SAMMSON: variants seen among roughly 807,000 people sequenced by gnomAD.
SAMMSON encodes the protein survival associated mitochondrial melanoma specific oncogenic non-coding RNA.
intron 9 of SAMMSON, among the ~76,000 whole-genome samples, chr3:70,365,036 A>T (rs1412477892): frequency 2.6e-5 from 4 of 151,580 alleles, no homozygotes; most frequent in Admixed American, 2.0e-4. Context: ...TAAAATGTAC[A>T]TTTATTAAGG....
At chr3:70,323,786 T>G (rs1321191844) in intron 7 of SAMMSON, among the ~76,000 whole-genome samples, 1 of 152,154 alleles carries the variant, frequency 6.6e-6, no homozygotes, top group East Asian at 1.9e-4. Flanking sequence ...CCACAGTTCA[T>G]CTGCAACTGC....
At position 70,340,057 on chromosome 3, in the gene SAMMSON, T is replaced by C. The variant is rs537916725; in HGVS notation, n.740-14118T>C. The stretch of plus-strand genomic sequence containing the variant: ...AAGAAAATGTGGCACATATACACCA[T>C]GGAATACTATGCAGCCATAAAAAAT... On this transcript the variant is annotated intron_variant and non_coding_transcript_variant, in intron 7 of 9. Transcript: ENST00000642114. Among the ~76,000 whole-genome samples the C allele has an allele frequency of 3.7e-4, 57 of 152,164 alleles. No individual in the cohort carries two copies. In the East Asian group the frequency reaches 0.011, roughly 28 times the overall value.
At chr3:70,008,083 G>A (rs1296699342) in intron 1 of SAMMSON, among the ~76,000 whole-genome samples, 1 of 152,128 alleles carries the variant, frequency 6.6e-6, no homozygotes, top group Non-Finnish European at 1.5e-5. Context: ...GTAGCATGAT[G>A]CCTCCAGCTT....
At chr3:70,247,585 A>G (rs945070173) in intron 4 of SAMMSON, among the ~76,000 whole-genome samples, 1 of 151,922 alleles carries the variant, frequency 6.6e-6, no homozygotes, top group South Asian at 2.1e-4. Flanking sequence ...ACTCAATTCT[A>G]TTAGAATTTT....
chr3:70,427,050 T>C (rs533651174), intron 2 of SAMMSON, among the ~76,000 whole-genome samples: 36 of 152,358 alleles, frequency 2.4e-4, no homozygotes, highest in African/African-American at 8.7e-4. Context: ...CTTCAGAAAG[T>C]CACTCCATCA....
At chr3:70,153,483 C>T (rs1341613550) in intron 4 of SAMMSON, among the ~76,000 whole-genome samples, 2 of 151,378 alleles carry the variant, frequency 1.3e-5, no homozygotes, top group African/African-American at 4.9e-5. Context: ...TCCCATTGTA[C>T]CTATTAAAAG....
intron 4 of SAMMSON, among the ~76,000 whole-genome samples, chr3:70,188,694 A>T (rs1701109227): frequency 6.6e-6 from 1 of 152,216 alleles, no homozygotes; most frequent in South Asian, 2.1e-4. Flanking sequence ...CATATATACT[A>T]AGCCTACGCT....
intron 4 of SAMMSON, among the ~76,000 whole-genome samples, chr3:70,170,315 A>G (rs889372075): frequency 6.6e-5 from 10 of 151,876 alleles, no homozygotes; most frequent in Non-Finnish European, 8.8e-5. Context: ...AGATGAATAT[A>G]GCTTTACAGG....
intron 3 of SAMMSON, chr3:70,024,893 T>C (rs1426684463): frequency 6.6e-6 from 1 of 152,186 alleles, no homozygotes; most frequent in African/African-American, 2.4e-5. Flanking sequence ...AACTCAAGAA[T>C]GTTTAATTCC....
intron 1 of SAMMSON, among the ~76,000 whole-genome samples, chr3:70,002,521 G>A (rs928221104): frequency 2.8e-4 from 42 of 152,090 alleles, no homozygotes; most frequent in African/African-American, 9.7e-4. Context: ...ACCAACAGTG[G>A]CAGAATTACA....
At chr3:70,359,305 G>A (rs748921925) in intron 9 of SAMMSON, among the ~76,000 whole-genome samples, 9 of 152,102 alleles carry the variant, frequency 5.9e-5, no homozygotes, top group Non-Finnish European at 8.8e-5. Context: ...ATAAAACTGA[G>A]TTAAGCATTA....
At position 70,303,003 on chromosome 3, in the gene SAMMSON, A is replaced by G. The variant is rs115031724; in HGVS notation, n.739+11760A>G. Among the ~76,000 whole-genome samples the G allele has an allele frequency of 5.7e-3, 866 of 152,290 alleles. 8 individuals carry two copies. The highest frequency in any genetic ancestry group is 0.02 in the African/African-American group (838 of 41,564). ...TCTCATCTTTTGCTGAACTTTCTAA[A>G]TATAAATTAAAGTTATCAGAGAATC... On this transcript the variant is annotated intron_variant and non_coding_transcript_variant, in intron 7 of 9. Transcript: ENST00000642114.
intron 9 of SAMMSON, among the ~76,000 whole-genome samples, chr3:70,360,815 A>T (rs1702865438): frequency 6.6e-6 from 1 of 152,220 alleles, no homozygotes; most frequent in Non-Finnish European, 1.5e-5. Flanking sequence ...TTATGCATTT[A>T]TATTTCAGAG....
At chr3:70,286,214 C>A (rs546946256) in intron 6 of SAMMSON, among the ~76,000 whole-genome samples, 2 of 152,178 alleles carry the variant, frequency 1.3e-5, no homozygotes, top group Non-Finnish European at 2.9e-5. Flanking sequence ...AGTCTTACAT[C>A]CATCTTGAAT....
intron 3 of SAMMSON, among the ~76,000 whole-genome samples, chr3:70,055,691 T>A (rs2067164494): frequency 1.3e-5 from 2 of 152,140 alleles, no homozygotes; most frequent in Non-Finnish European, 2.9e-5. Flanking sequence ...ATGTGGAATT[T>A]TGCATAAATT....
At chr3:70,357,876 G>T (rs918986583) in intron 8 of SAMMSON, among the ~76,000 whole-genome samples, 1 of 152,050 alleles carries the variant, frequency 6.6e-6, no homozygotes, top group Non-Finnish European at 1.5e-5. Context: ...AATGGGATAT[G>T]ATTTTTCCTG....
chr3:70,202,845 G>A (rs1448429014), intron 4 of SAMMSON, among the ~76,000 whole-genome samples: 1 of 152,064 alleles, frequency 6.6e-6, no homozygotes, highest in Non-Finnish European at 1.5e-5. Context: ...TAATTAGGAG[G>A]GAGAATCTCT....
intron 4 of SAMMSON, among the ~76,000 whole-genome samples, chr3:70,161,734 A>G (rs537084933): frequency 6.6e-6 from 1 of 152,008 alleles, no homozygotes; most frequent in South Asian, 2.1e-4. Context: ...GGGAATTTGT[A>G]GAGTATTGAT....
In SAMMSON at chr3:70,323,917, A is replaced by C. The variant is rs563480516; in HGVS notation, n.740-30258A>C. ...AGGATGCCTACTTCATAAGGGCTGG[A>C]GGCAGGGAGAACTGACACAGCTCCA... On this transcript the variant is annotated intron_variant and non_coding_transcript_variant, in intron 7 of 9. Coordinates refer to ENST00000642114, the Ensembl canonical transcript of SAMMSON. Among the ~76,000 whole-genome samples, 5 of 152,176 alleles carry C rather than the reference A, an allele frequency of 3.3e-5. No individual in the cohort carries two copies. In the East Asian group the frequency reaches 9.7e-4, roughly 30 times the overall value.
Sources: allele counts gnomAD v4.1 joint callset (sites outside exome capture counted in the v4.1 genomes callset), GRCh38; gene constraint gnomAD v4.1.1; transcripts MANE v1.5; gene names NCBI Gene and HGNC (gene_info 2026-07-23, HGNC 2026-07-21).